Variants in SHLD2 observed in about 807,000 individuals in gnomAD.
SHLD2 encodes the protein RINN1-REV7-interacting novel NHEJ regulator 2.
A neutral mutation model predicts 73.2 loss-of-function variants in SHLD2; 30 were observed. The observed-to-expected ratio is 0.41, with a 90% CI of 0.31 to 0.56. The LOEUF (loss-of-function observed/expected upper bound fraction) is 0.56, where lower values mean the gene tolerates loss of function less well. Ranked by LOEUF, SHLD2 falls within the 20% of genes least tolerant of loss-of-function variation. SHLD2 has a pLI of 0.28. For missense variants in SHLD2, 745 were observed against 1,055.9 expected (o/e 0.71, Z 4.08); for synonymous variants, 285 against 370.1 (o/e 0.77, Z 2.64).
intron 2 of SHLD2, among the ~76,000 whole-genome samples, chr10:87,136,262 T>G (rs1385374926): frequency 6.6e-6 from 1 of 152,158 alleles, no homozygotes; most frequent in African/African-American, 2.4e-5. Context: ...TGTATGTGTG[T>G]GTATGTGTGT....
intron 2 of SHLD2, among the ~76,000 whole-genome samples, chr10:87,120,187 A>G (rs139407767): frequency 0.069 from 10,487 of 152,032 alleles, 775 homozygotes; most frequent in African/African-American, 0.19. Context: ...GAGATTACCA[A>G]TATTTCCCTC....
chr10:87,103,142 A>G (rs1842376262), intron 2 of SHLD2, among the ~76,000 whole-genome samples: 1 of 150,554 alleles, frequency 6.6e-6, no homozygotes, highest in Non-Finnish European at 1.5e-5. Context: ...CCCGGGAGGC[A>G]GAGGTTGTAG....
chr10:87,175,831 T>G (rs961235542), intron 6 of SHLD2, 58 bp from the exon 7 acceptor site: 2 of 1,497,934 alleles, frequency 1.3e-6, no homozygotes, highest in African/African-American at 2.8e-5. Context: ...TTTAATCTGA[T>G]ACTAAGCCTA....
At chr10:87,156,382 A>C (rs1160410855) in intron 3 of SHLD2, among the ~76,000 whole-genome samples, 1 of 152,186 alleles carries the variant, frequency 6.6e-6, no homozygotes, top group Non-Finnish European at 1.5e-5. Flanking sequence ...AAAAATTTTA[A>C]GTAACAGATG....
chr10:87,190,068 A>G (rs1352623244), intron 9 of SHLD2, among the ~76,000 whole-genome samples: 1 of 152,056 alleles, frequency 6.6e-6, no homozygotes, highest in Non-Finnish European at 1.5e-5. Context: ...TTACCTGTTT[A>G]TTTATTTAGA....
At chr10:87,096,887 G>A (rs1392058229) in intron 1 of SHLD2, 47 bp from the exon 2 acceptor site, 1 of 152,168 alleles carries the variant, frequency 6.6e-6, no homozygotes, top group Non-Finnish European at 1.5e-5. Flanking sequence ...TACCTTACTT[G>A]CTAAATAAGT....
chr10:87,131,117 T>C (rs537473702), intron 2 of SHLD2, among the ~76,000 whole-genome samples: 58 of 152,098 alleles, frequency 3.8e-4, no homozygotes, highest in Non-Finnish European at 6.5e-4. Context: ...TTTAGCACAA[T>C]TTGGGGAAGA....
chr10:87,181,050 T>G (rs1848272926), intron 8 of SHLD2, among the ~76,000 whole-genome samples: 1 of 151,944 alleles, frequency 6.6e-6, no homozygotes, highest in African/African-American at 2.4e-5. Context: ...TTGCTATTAC[T>G]GTGAAAGTTG....
chr10:87,177,784 C>G (rs1848038203), intron 7 of SHLD2, among the ~76,000 whole-genome samples: 1 of 152,098 alleles, frequency 6.6e-6, no homozygotes, highest in South Asian at 2.1e-4. Flanking sequence ...TACCCAGTAC[C>G]TCATCTTACC....
At chr10:87,134,700 G>C (rs914266912) in intron 2 of SHLD2, among the ~76,000 whole-genome samples, 1 of 152,204 alleles carries the variant, frequency 6.6e-6, no homozygotes, top group African/African-American at 2.4e-5. Context: ...GGCACTCCAG[G>C]CTTTCAGTTC....
In SHLD2 at chr10:87,119,541, C is replaced by T. The variant is rs532620900; in HGVS notation, c.-6+22552C>T. ...ACTTTGGAGGCTGAGGCGGGTGGAT[C>T]ACGAGATCAAGAGATCGAGACCATC... On this transcript the variant is annotated intron_variant, in intron 2 of 9. Coordinates refer to ENST00000298786, the MANE Select transcript of SHLD2 (RefSeq NM_001330112.2). Among the ~76,000 whole-genome samples, 14 of 152,190 alleles carry T rather than the reference C, an allele frequency of 9.2e-5. No individual in the cohort carries two copies. The South Asian group carries it at 2.9e-3, about 32-fold the overall frequency.
intron 2 of SHLD2, among the ~76,000 whole-genome samples, chr10:87,125,548 A>C: frequency 6.6e-6 from 1 of 152,208 alleles, no homozygotes; most frequent in Non-Finnish European, 1.5e-5. Context: ...CAGCCTGGCC[A>C]ACAGGGTGAA....
chr10:87,189,188 A>T (rs1320364980), intron 9 of SHLD2, among the ~76,000 whole-genome samples: 1 of 152,066 alleles, frequency 6.6e-6, no homozygotes, highest in Non-Finnish European at 1.5e-5. Flanking sequence ...TTTAGTAGAT[A>T]TGGGGTTTCT....
At chr10:87,146,823 G>A (rs989509033) in intron 2 of SHLD2, among the ~76,000 whole-genome samples, 2 of 151,748 alleles carry the variant, frequency 1.3e-5, no homozygotes, top group Non-Finnish European at 2.9e-5. Context: ...TTGGGAGGCC[G>A]AAGCAGGCGG....
chr10:87,108,712 T>A (rs1441811182), intron 2 of SHLD2, among the ~76,000 whole-genome samples: 1 of 152,238 alleles, frequency 6.6e-6, no homozygotes, highest in Non-Finnish European at 1.5e-5. Flanking sequence ...GTCAGTAGCT[T>A]CTGGCTTAAC....
intron 4 of SHLD2, among the ~76,000 whole-genome samples, chr10:87,160,950 G>A (rs531840254): frequency 1.7e-4 from 25 of 150,686 alleles, no homozygotes; most frequent in African/African-American, 5.1e-4. Context: ...CCACTACACT[G>A]CACTGCAGCC....
intron 2 of SHLD2, among the ~76,000 whole-genome samples, chr10:87,097,887 GCAGCTGGGATTA>G (rs1279039533): frequency 6.6e-6 from 1 of 151,888 alleles, no homozygotes; most frequent in African/African-American, 2.4e-5. Flanking sequence ...AGCCTCCCGA[GCAGCTGGGATTA>G]CAGGCGCCCG....
At chr10:87,170,183 TG>T (rs1847493150) in intron 4 of SHLD2, among the ~76,000 whole-genome samples, 1 of 152,208 alleles carries the variant, frequency 6.6e-6, no homozygotes, top group Non-Finnish European at 1.5e-5. Flanking sequence ...AGAAATTTTC[TG>T]TTTGGTTAAT....
intron 2 of SHLD2, among the ~76,000 whole-genome samples, chr10:87,136,003 A>T (rs186187565): frequency 0.015 from 2,276 of 151,672 alleles, 62 homozygotes; most frequent in African/African-American, 0.052. Context: ...ATGGGGAGTT[A>T]TGATACCCCT....
Sources: gnomAD v4.1 joint callset for allele counts (sites outside exome capture counted in the v4.1 genomes callset) on GRCh38, gnomAD v4.1.1 for gene constraint, MANE v1.5 for transcripts, NCBI Gene and HGNC (gene_info 2026-07-23, HGNC 2026-07-21) for gene names.